NRG1: variants seen among roughly 807,000 people sequenced by gnomAD.
The protein encoded by NRG1 is neuregulin 1, also known as pro-neuregulin-1, membrane-bound isoform.
A neutral mutation model predicts 63.8 loss-of-function variants in NRG1; 18 were observed. The ratio of observed to expected loss-of-function variants is 0.28; its 90% CI spans 0.19 to 0.42. NRG1 has a LOEUF of 0.42. NRG1 is among the 10% of genes least tolerant of loss of function. The pLI is 1.00. For synonymous variants in NRG1, 302 were observed against 301.3 expected (o/e 1.00, Z -0.02); for missense variants, 762 against 814.7 (o/e 0.94, Z 0.79).
intron 1 of NRG1, among the ~76,000 whole-genome samples, chr8:31,955,133 ATGGCATTATTAAAAT>A (rs1318210470): frequency 1.3e-5 from 2 of 152,200 alleles, no homozygotes; most frequent in Non-Finnish European, 2.9e-5. Flanking sequence ...TTAAATAGTA[ATGGCATTATTAAAAT>A]TGGCATTATT....
At chr8:32,674,212 C>T (rs1188242582) in intron 5 of NRG1, among the ~76,000 whole-genome samples, 1 of 151,962 alleles carries the variant, frequency 6.6e-6, no homozygotes, top group Non-Finnish European at 1.5e-5. Context: ...AAGGGGTTAC[C>T]AGAGCTATCC....
In NRG1 at chr8:32,088,016, C is replaced by T. The variant is rs909401699; in HGVS notation, c.37+448585C>T. On this transcript the variant is annotated intron_variant, in intron 1 of 10. Transcript: ENST00000519301. ...GGCCATTTCCTATTCCCACCCTGCTCTCCAAGGTGGTATTCTAGCCATCCT... is the reference window on the plus strand; with the variant it reads ...GGCCATTTCCTATTCCCACCCTGCTTTCCAAGGTGGTATTCTAGCCATCCT... Among the ~76,000 whole-genome samples the T allele has an allele frequency of 2.0e-5, 3 of 152,196 alleles. No homozygotes were observed. In the East Asian group the frequency reaches 5.8e-4, roughly 29 times the overall value.
intron 1 of NRG1, among the ~76,000 whole-genome samples, chr8:31,937,935 C>T (rs1461003329): frequency 1.3e-5 from 2 of 152,114 alleles, no homozygotes; most frequent in Non-Finnish European, 2.9e-5. Context: ...CTCTATCAGC[C>T]CTGGTAGCTG....
chr8:31,793,813 G>A (rs1227590775), intron 1 of NRG1, among the ~76,000 whole-genome samples: 1 of 152,142 alleles, frequency 6.6e-6, no homozygotes, highest in Non-Finnish European at 1.5e-5. Context: ...ATCACCATTT[G>A]TCAAGATACA....
chr8:32,518,796 G>A (rs1372377564), intron 1 of NRG1, among the ~76,000 whole-genome samples: 2 of 152,106 alleles, frequency 1.3e-5, no homozygotes, highest in Admixed American at 1.3e-4. Flanking sequence ...AAATAACAGT[G>A]GGGAAAAAAG....
chr8:32,381,522 ATAATT>A (rs1187914555), intron 1 of NRG1, among the ~76,000 whole-genome samples: 14 of 152,242 alleles, frequency 9.2e-5, no homozygotes, highest in African/African-American at 3.4e-4. Context: ...AACAAAATAA[ATAATT>A]TATGTTGCAT....
chr8:31,856,780 G>A (rs1395393339), intron 1 of NRG1, among the ~76,000 whole-genome samples: 1 of 152,162 alleles, frequency 6.6e-6, no homozygotes, highest in East Asian at 1.9e-4. Context: ...GTGATGTACA[G>A]ATGGGTTTTT....
intron 1 of NRG1, among the ~76,000 whole-genome samples, chr8:32,581,376 C>G (rs893045855): frequency 6.6e-6 from 1 of 152,106 alleles, no homozygotes; most frequent in Admixed American, 6.5e-5. Context: ...GTAGTGATAA[C>G]CCTGATAAAT....
chr8:32,479,647 C>T (rs1824983189), intron 1 of NRG1, among the ~76,000 whole-genome samples: 1 of 151,890 alleles, frequency 6.6e-6, no homozygotes, highest in African/African-American at 2.4e-5. Flanking sequence ...AATTTATTCT[C>T]ATTATTTTTT....
At chr8:32,144,935 C>A (rs59610018) in intron 1 of NRG1, among the ~76,000 whole-genome samples, 2,000 of 152,180 alleles carry the variant, frequency 0.013, 54 homozygotes, top group African/African-American at 0.045. Context: ...TGAGGGAAAA[C>A]TATTGCCCTT....
chr8:31,675,636 C>G (rs1221108450), intron 1 of NRG1, among the ~76,000 whole-genome samples: 1 of 152,128 alleles, frequency 6.6e-6, no homozygotes, highest in African/African-American at 2.4e-5. Context: ...TAAAAAAACA[C>G]TGGGCATCAT....
At chr8:32,748,358 C>CAG (rs34657847) in intron 7 of NRG1, among the ~76,000 whole-genome samples, 5,085 of 121,950 alleles carry the variant, frequency 0.042, 142 homozygotes, top group African/African-American at 0.069. Context: ...CACACACACA[C>CAG]AGAGAGAGAG....
At chr8:32,716,616 C>T (rs1364510362) in intron 5 of NRG1, among the ~76,000 whole-genome samples, 1 of 152,110 alleles carries the variant, frequency 6.6e-6, no homozygotes, top group Non-Finnish European at 1.5e-5. Context: ...ATGTATGGAC[C>T]TTAATATTCC....
intron 1 of NRG1, among the ~76,000 whole-genome samples, chr8:31,900,446 G>A (rs1216364028): frequency 2.0e-5 from 3 of 152,158 alleles, no homozygotes; most frequent in Non-Finnish European, 2.9e-5. Flanking sequence ...TCCTAGGGAA[G>A]GCTTCAAGGA....
intron 1 of NRG1, among the ~76,000 whole-genome samples, chr8:31,913,818 G>T (rs1036539282): frequency 2.0e-5 from 3 of 152,182 alleles, no homozygotes; most frequent in Non-Finnish European, 4.4e-5. Context: ...AAAAATTGTG[G>T]AGATCAAAAT....
Position 32,080,759 on chromosome 8 carries a change from G to A in NRG1, c.37+441328G>A, listed in dbSNP as rs1232046956. ...CCAGAGGGACAGAACCAATTTGTGT[G>A]TGTGCGTGTGTGTGTGTGTGTGTGT... is the stretch of plus-strand genomic sequence containing the variant. On this transcript the variant is annotated intron_variant, in intron 1 of 10. Coordinates refer to the NRG1 transcript ENST00000519301. Among the ~76,000 whole-genome samples the A allele has an allele frequency of 1.8e-4, 3 of 16,272 alleles. No individual in the cohort carries two copies. The East Asian group carries it at 0.015, about 84-fold the overall frequency. 10.7% of individuals were successfully genotyped at this position (16,272 alleles called of 152,430 possible).
At chr8:32,376,367 G>C (rs772748574) in intron 1 of NRG1, among the ~76,000 whole-genome samples, 1 of 151,956 alleles carries the variant, frequency 6.6e-6, no homozygotes, top group Non-Finnish European at 1.5e-5. Context: ...CTTTGGGGAG[G>C]TTCTTCTCCA....
chr8:32,057,499 A>G (rs1396454660), intron 1 of NRG1, among the ~76,000 whole-genome samples: 1 of 152,128 alleles, frequency 6.6e-6, no homozygotes, highest in Non-Finnish European at 1.5e-5. Context: ...CCTCATTAAT[A>G]TGGGCCACTG....
intron 5 of NRG1, among the ~76,000 whole-genome samples, chr8:32,620,551 G>A (rs1848158522): frequency 6.6e-6 from 1 of 151,470 alleles, no homozygotes; most frequent in Admixed American, 6.6e-5. Flanking sequence ...GAGCAGGCAT[G>A]GTGGCTCATG....
Sources: gnomAD v4.1 joint callset for allele counts (sites outside exome capture counted in the v4.1 genomes callset) on GRCh38, gnomAD v4.1.1 for gene constraint, MANE v1.5 for transcripts, NCBI Gene and HGNC (gene_info 2026-07-23, HGNC 2026-07-21) for gene names.